Variants in CHRM3 observed in about 807,000 individuals in gnomAD.
The protein encoded by CHRM3 is muscarinic acetylcholine receptor M3.
Under a neutral mutation model 41.8 loss-of-function variants are expected in CHRM3, and 11 were observed. That is an observed-to-expected ratio of 0.26 (90% confidence interval 0.17 to 0.44). The LOEUF (loss-of-function observed/expected upper bound fraction) is 0.44. CHRM3 is among the 20% of genes least tolerant of loss of function. The pLI is 1.00. For synonymous variants in CHRM3, 297 were observed against 301.4 expected, an observed-to-expected ratio of 0.99 and a Z score of 0.15; for missense variants, 571 against 745.4, an observed-to-expected ratio of 0.77 and a Z score of 2.72.
At chr1:239,850,806 T>A (rs1430743726) in intron 6 of CHRM3, among the ~76,000 whole-genome samples, 1 of 152,126 alleles carries the variant, frequency 6.6e-6, no homozygotes, top group African/African-American at 2.4e-5. Context: ...AAGGACGTGT[T>A]TTCTTCTTCC....
rs200566383 is a variant in CHRM3, at chr1:239,908,150, T to C, written c.699T>C (p.Phe233=). ...TCCTCAGTGAGCCCACCATTACTTT[T>C]GGCACAGCCATCGCTGCTTTTTATA... is the stretch of plus-strand genomic sequence containing the variant. ...IQFLSEPTIT[F]GTAIAAFYMP... Residue 233 remains phenylalanine, a synonymous_variant, in exon 7 of 7, where the codon TTT becomes TTC. Transcript: ENST00000676153. This position sits in a 1 kb window ranked among gnomAD's most constrained non-coding sequence, Gnocchi z 7.2. The C allele has an allele frequency of 1.5e-5, 24 of 1,614,080 alleles. No individual in the cohort carries two copies. The highest frequency in any genetic ancestry group is 5.0e-5 in the Admixed American group (3 of 60,006).
intron 6 of CHRM3, among the ~76,000 whole-genome samples, chr1:239,872,389 C>G (rs2149326708): frequency 6.6e-6 from 1 of 152,268 alleles, no homozygotes; most frequent in Admixed American, 6.5e-5. Flanking sequence ...CAATTATACC[C>G]AACAGACCTG....
intron 2 of CHRM3, among the ~76,000 whole-genome samples, chr1:239,499,953 C>A (rs1298837712): frequency 1.3e-5 from 2 of 152,156 alleles, no homozygotes; most frequent in Non-Finnish European, 2.9e-5. Context: ...TTGTGACTGT[C>A]AAGCCACCAC....
chr1:239,401,020 G>A (rs769200731), intron 1 of CHRM3, among the ~76,000 whole-genome samples: 1 of 152,118 alleles, frequency 6.6e-6, no homozygotes, highest in Non-Finnish European at 1.5e-5. Context: ...CTCATCAGAA[G>A]CAGGAACCAG....
At chr1:239,581,905 G>A (rs1662935804) in intron 3 of CHRM3, among the ~76,000 whole-genome samples, 1 of 152,122 alleles carries the variant, frequency 6.6e-6, no homozygotes, top group African/African-American at 2.4e-5. Flanking sequence ...ATGGAGCAGA[G>A]CAAATTTTGC....
chr1:239,629,188 G>C (rs1669461538), intron 3 of CHRM3: 1 of 145,324 alleles, frequency 6.9e-6, no homozygotes, highest in Non-Finnish European at 1.5e-5. Flanking sequence ...AGCCAGGTGT[G>C]GGATATAGTC....
At chr1:239,883,036 A>G (rs1361966355) in intron 6 of CHRM3, among the ~76,000 whole-genome samples, 2 of 152,224 alleles carry the variant, frequency 1.3e-5, no homozygotes, top group Non-Finnish European at 2.9e-5. Context: ...TTTCCTCTGC[A>G]TGGGATATTT....
At chr1:239,883,014 A>G (rs1038928799) in intron 6 of CHRM3, among the ~76,000 whole-genome samples, 3 of 152,232 alleles carry the variant, frequency 2.0e-5, no homozygotes, top group African/African-American at 4.8e-5. Context: ...TAAGAAATAC[A>G]TATCTAAGTG....
intron 5 of CHRM3, among the ~76,000 whole-genome samples, chr1:239,745,549 T>A (rs944089527): frequency 1.3e-5 from 2 of 152,112 alleles, no homozygotes; most frequent in South Asian, 4.1e-4. Flanking sequence ...AGCGTGCAGG[T>A]TTGTTCCATA....
At chr1:239,773,883 C>T (rs889157734) in intron 5 of CHRM3, among the ~76,000 whole-genome samples, 1 of 152,184 alleles carries the variant, frequency 6.6e-6, no homozygotes, top group African/African-American at 2.4e-5. Flanking sequence ...TGAGGAAAGA[C>T]TACCTGCTCC....
chr1:239,648,917 G>A lies in CHRM3; in HGVS notation c.-250+16631G>A, dbSNP rs899502389. On this transcript the variant is annotated intron_variant, in intron 4 of 6. Transcript: ENST00000676153. ...GGAATTATAGATCGTAACATTAGTAGCATTGACATATATCCATAGTCTTAT... is the reference window on the plus strand; with the variant it reads ...GGAATTATAGATCGTAACATTAGTAACATTGACATATATCCATAGTCTTAT... 2.6e-5 allele frequency among the ~76,000 whole-genome samples: 4 copies of A among 152,072 alleles called. No homozygotes were observed. In the East Asian group the frequency reaches 5.8e-4, roughly 22 times the overall value.
At chr1:239,685,116 G>A (rs1558452719) in intron 5 of CHRM3, among the ~76,000 whole-genome samples, 1 of 152,086 alleles carries the variant, frequency 6.6e-6, no homozygotes, top group Non-Finnish European at 1.5e-5. Flanking sequence ...CGGCTTTAAT[G>A]AATATCACGA....
chr1:239,504,729 G>T (rs1436184299), intron 2 of CHRM3, among the ~76,000 whole-genome samples: 1 of 152,122 alleles, frequency 6.6e-6, no homozygotes, highest in Non-Finnish European at 1.5e-5. Flanking sequence ...ATACTACTCA[G>T]CCATAAAAAG....
intron 2 of CHRM3, among the ~76,000 whole-genome samples, chr1:239,543,080 C>G (rs2148399158): frequency 6.6e-6 from 1 of 152,304 alleles, no homozygotes; most frequent in Admixed American, 6.5e-5. Context: ...CTTAGGCCTT[C>G]AGCAGGAAGA....
At chr1:239,891,975 T>A (rs1678588421) in intron 6 of CHRM3, among the ~76,000 whole-genome samples, 1 of 152,180 alleles carries the variant, frequency 6.6e-6, no homozygotes, top group Non-Finnish European at 1.5e-5. Flanking sequence ...GAACTCGGTG[T>A]TCAAGGTCAC....
chr1:239,881,219 C>G (rs1205228830), intron 6 of CHRM3, among the ~76,000 whole-genome samples: 6 of 124,488 alleles, frequency 4.8e-5, no homozygotes, highest in Non-Finnish European at 9.5e-5. Flanking sequence ...GGAGGCGGAG[C>G]TTGCAGTGAG....
At chr1:239,684,843 C>CTGGGACAG (rs1187785671) in intron 5 of CHRM3, among the ~76,000 whole-genome samples, 1 of 151,266 alleles carries the variant, frequency 6.6e-6, no homozygotes, top group African/African-American at 2.4e-5. Flanking sequence ...TGAGAATTTT[C>CTGGGACAG]TGGGACAGTG....
intron 1 of CHRM3, among the ~76,000 whole-genome samples, chr1:239,409,028 T>C (rs1660865212): frequency 6.6e-6 from 1 of 151,748 alleles, no homozygotes; most frequent in Non-Finnish European, 1.5e-5. Flanking sequence ...CACTTTAACA[T>C]AACTAAATAT....
At chr1:239,649,400 A>G (rs1672038630) in intron 4 of CHRM3, among the ~76,000 whole-genome samples, 1 of 152,220 alleles carries the variant, frequency 6.6e-6, no homozygotes, top group Non-Finnish European at 1.5e-5. Context: ...TATTTAGTTT[A>G]TGGTATTTTA....
Sources: allele counts gnomAD v4.1 joint callset (sites outside exome capture counted in the v4.1 genomes callset), GRCh38; gene constraint gnomAD v4.1.1; non-coding constraint Gnocchi (gnomAD v3.1); transcripts MANE v1.5; gene names NCBI Gene and HGNC (gene_info 2026-07-23, HGNC 2026-07-21).